Variants in USP42 observed in about 807,000 individuals in gnomAD.
The protein encoded by USP42 is ubiquitin specific peptidase 42.
USP42 carries 23 observed loss-of-function variants against 113.0 expected under a neutral mutation model. That is an observed-to-expected ratio of 0.20 (90% CI 0.15 to 0.29). The LOEUF (loss-of-function observed/expected upper bound fraction) is 0.29. Ranked by LOEUF, USP42 falls within the 10% of genes least tolerant of loss-of-function variation. The pLI is 1.00. For missense variants in USP42, 2,174 were observed against 1,779.8 expected (o/e 1.22, Z -3.99); for synonymous variants, 933 against 699.0 (o/e 1.33, Z -5.28).
In USP42 at chr7:6,157,100, A is replaced by G; in HGVS notation, c.3943+45A>G. On this transcript the variant is annotated intron_variant, in intron 16 of 17. Coordinates refer to ENST00000306177, the MANE Select transcript of USP42 (RefSeq NM_032172.3). This position sits in a 1 kb window ranked among gnomAD's most constrained non-coding sequence, Gnocchi z 4.1. ...ATTAGGAAGATAGAAACTATTTCTT[A>G]ATACATTTTCTTTGCAAAGGTGATT... 1 of 1,506,344 alleles carries G rather than the reference A, an allele frequency of 6.6e-7. No homozygotes were observed. The allele number at this position is 1,506,344 out of a possible 1,614,324, so 93.3% of individuals were successfully genotyped here.
rs149035925 is a variant in USP42 at position 6,139,047 on chromosome 7, T to C, written c.554-45T>C. The C allele has an allele frequency of 1.3e-3, 1,770 of 1,334,140 alleles. 7 individuals carry two copies. Among genetic ancestry groups the C allele is most frequent in the Middle Eastern group, 2.2e-3 (12 of 5,540 alleles). 82.6% of individuals were successfully genotyped at this position (1,334,140 alleles called of 1,614,324 possible). ...TATTTTGGGGGGTACAACTTAGGCTTATTACGTGTAATGATAAAGCCTTGT... is the reference window on the plus strand; with the variant it reads ...TATTTTGGGGGGTACAACTTAGGCTCATTACGTGTAATGATAAAGCCTTGT... On this transcript the variant is annotated intron_variant, in intron 4 of 17. Coordinates refer to ENST00000306177, the MANE Select transcript of USP42 (RefSeq NM_032172.3). This position sits in a 1 kb window ranked among gnomAD's most constrained non-coding sequence, Gnocchi z 4.5.
chr7:6,142,737 T>G (rs1781502953), intron 7 of USP42, among the ~76,000 whole-genome samples, 195 bp from the exon 8 acceptor site: 1 of 151,482 alleles, frequency 6.6e-6, no homozygotes, highest in Non-Finnish European at 1.5e-5. Flanking sequence ...AATGAAAAAT[T>G]TAGCTGGGCA....
Position 6,158,212 on chromosome 7 carries a change from G to A in USP42, c.3943+1157G>A, listed in dbSNP as rs1180110031. On this transcript the variant is annotated intron_variant, in intron 16 of 17. Transcript: ENST00000306177. The surrounding 1 kb of genome is among the most constrained non-coding windows in gnomAD (Gnocchi z 4.2). ...GGGGCGCAGCCAGGTGCGTTCCCAC[G>A]CTGTCTGGCGGCTTCGCTGTCACTG... Among the ~76,000 whole-genome samples, 14 of 152,368 alleles carry A rather than the reference G, an allele frequency of 9.2e-5. 1 individual carries two copies. Among genetic ancestry groups the A allele is most frequent in the African/African-American group, 2.9e-4 (12 of 41,592 alleles).
rs1781795232 is a variant in USP42 at position 6,147,727 on chromosome 7, C to G, written c.1233-12C>G. The G allele has an allele frequency of 6.4e-7, 1 of 1,569,754 alleles. No homozygotes were observed. Among genetic ancestry groups the G allele is most frequent in the African/African-American group, 1.4e-5 (1 of 73,954 alleles). On this transcript the variant is annotated splice_polypyrimidine_tract_variant and intron_variant, in intron 11 of 17. Transcript: ENST00000306177. ...CCTGTGTCACCCTAAGTATCGCTCT[C>G]CTTGTTTCCAGGTCCCATGATGTGA... is the stretch of plus-strand genomic sequence containing the variant.
intron 3 of USP42, among the ~76,000 whole-genome samples, chr7:6,119,567 A>G (rs1215429243): frequency 6.6e-6 from 1 of 152,260 alleles, no homozygotes; most frequent in Non-Finnish European, 1.5e-5. Context: ...TCTACAAATA[A>G]TCTTCCTGGT....
At chr7:6,105,166 C>G (rs1779192703) in intron 1 of USP42, 134 bp downstream of exon 1, 1 of 145,992 alleles carries the variant, frequency 6.8e-6, no homozygotes, top group Non-Finnish European at 1.5e-5. Context: ...GGCCCCTCGC[C>G]CGCCTCCCCC....
upstream of USP42, among the ~76,000 whole-genome samples, chr7:6,102,466 T>G (rs1000319878): frequency 6.7e-5 from 10 of 148,944 alleles, no homozygotes; most frequent in Admixed American, 2.7e-4. Context: ...CAGCGTGAAA[T>G]GGAAAATGAA....
At chr7:6,082,762 C>T in the USP42 span, among the ~76,000 whole-genome samples, 5 of 149,152 alleles carry the variant, frequency 3.4e-5, no homozygotes, top group African/African-American at 5.1e-5. Context: ...AGGTGCACAC[C>T]GCTACACCTG....
intron 3 of USP42, among the ~76,000 whole-genome samples, chr7:6,121,260 A>G (rs575777890): frequency 6.6e-5 from 10 of 152,246 alleles, no homozygotes; most frequent in African/African-American, 2.4e-4. Context: ...TTTTACCATT[A>G]AGTATGGTGT....
intron 3 of USP42, among the ~76,000 whole-genome samples, chr7:6,125,907 G>C (rs779568368): frequency 6.6e-6 from 1 of 151,374 alleles, no homozygotes; most frequent in Non-Finnish European, 1.5e-5. Flanking sequence ...ACATGCACTT[G>C]TAAGAAATAA....
chr7:6,123,612 G>A (rs571735402), intron 3 of USP42, among the ~76,000 whole-genome samples: 3 of 152,092 alleles, frequency 2.0e-5, no homozygotes, highest in East Asian at 1.9e-4. Context: ...GCAGTGAGCC[G>A]AGATCGCGCC....
chr7:6,145,824 C>G (rs1396771308), intron 10 of USP42, among the ~76,000 whole-genome samples, 168 bp downstream of exon 10: 1 of 152,182 alleles, frequency 6.6e-6, no homozygotes, highest in Admixed American at 6.5e-5. Context: ...AATCCCTACA[C>G]TTTGGGAGAC....
rs1008027210 is a variant in USP42 at position 6,135,897 on chromosome 7, C to T, written c.499C>T (p.Leu167Phe). The change falls in exon 4 of 18, where the codon CTC becomes TTC. Residue 167 changes from leucine (L) to phenylalanine (F), a missense_variant. By Grantham distance (22) the Leu-to-Phe change is conservative. Coordinates refer to ENST00000306177, the MANE Select transcript of USP42 (RefSeq NM_032172.3). ...CTMQAHITQA[L>F]SNPGDVIKPM... Reference sequence around the variant, plus strand: ...AATGCAAGCACATATTACCCAGGCACTCAGTAATCCTGGGGACGTTATTAA... The same window carrying T: ...AATGCAAGCACATATTACCCAGGCATTCAGTAATCCTGGGGACGTTATTAA... 1 of 1,610,764 alleles carries T rather than the reference C, an allele frequency of 6.2e-7. No individual in the cohort carries two copies. Among genetic ancestry groups the T allele is most frequent in the South Asian group, 1.1e-5 (1 of 90,286 alleles).
the USP42 span, among the ~76,000 whole-genome samples, chr7:6,090,580 T>C: frequency 1.4e-5 from 2 of 145,896 alleles, no homozygotes; most frequent in Non-Finnish European, 3.0e-5. Flanking sequence ...TTGGGCACGG[T>C]TGTGCATGCC....
chr7:6,100,539 A>C (rs945936657), upstream of USP42, among the ~76,000 whole-genome samples: 1 of 150,636 alleles, frequency 6.6e-6, no homozygotes, highest in Non-Finnish European at 1.5e-5. Context: ...CATGTTGGCC[A>C]GGCTTGTCTC....
intron 17 of USP42, among the ~76,000 whole-genome samples, 190 bp from the exon 18 acceptor site, chr7:6,160,365 C>T (rs566854995): frequency 2.5e-4 from 38 of 152,284 alleles, no homozygotes; most frequent in African/African-American, 8.4e-4. Context: ...CAGCAGATGG[C>T]GCCTCCCTGG....
chr7:6,104,433 G>A (rs1406336287), upstream of USP42, among the ~76,000 whole-genome samples: 1 of 152,254 alleles, frequency 6.6e-6, no homozygotes, highest in Non-Finnish European at 1.5e-5. Context: ...CTAGGCCAAG[G>A]GAGGCGCAAG....
chr7:6,116,954 T>A (rs1407571040), intron 3 of USP42: 1 of 475,052 alleles, frequency 2.1e-6, no homozygotes, highest in Admixed American at 2.7e-5. Flanking sequence ...CTATCTTTTA[T>A]GCTACTGGTA....
rs1406801772 is a variant in USP42, at chr7:6,154,627, C to T, written c.3073C>T (p.Arg1025Trp). The T allele has an allele frequency of 1.9e-6, 3 of 1,600,676 alleles. No homozygotes were observed. The highest frequency in any genetic ancestry group is 3.4e-5 in the Admixed American group (2 of 58,694). The stretch of plus-strand genomic sequence containing the variant: ...GTGCAGTCACCACCACTCCCGACAC[C>T]GGAGCGGGGTGGAGCTGGACTGGGT... ...GRCSHHHSRH[R>W]SGVELDWVRH... The change falls in exon 15 of 18, where the codon CGG (arginine) becomes TGG (tryptophan). Residue 1025 changes from arginine to tryptophan, a missense_variant. Coordinates refer to ENST00000306177, the MANE Select transcript of USP42 (RefSeq NM_032172.3).
Sources: allele counts gnomAD v4.1 joint callset (sites outside exome capture counted in the v4.1 genomes callset), GRCh38; gene constraint gnomAD v4.1.1; non-coding constraint Gnocchi (gnomAD v3.1); transcripts MANE v1.5; gene names NCBI Gene and HGNC (gene_info 2026-07-23, HGNC 2026-07-21).